OLFM3: variants seen among roughly 807,000 people sequenced by gnomAD.
OLFM3 encodes the protein noelin-3.
In OLFM3, 20 loss-of-function variants were observed where a neutral mutation model predicts 48.6. That is an observed-to-expected ratio of 0.41 (90% confidence interval 0.29 to 0.60). The LOEUF is 0.60. Ranked by LOEUF, OLFM3 falls within the 20% of genes least tolerant of loss-of-function variation. The pLI, the probability that OLFM3 is intolerant of heterozygous loss-of-function variation, is 0.28. For missense variants in OLFM3, 437 were observed against 544.3 expected, an observed-to-expected ratio of 0.80 and a Z score of 1.96; for synonymous variants, 222 against 198.1, an observed-to-expected ratio of 1.12 and a Z score of -1.01.
At chr1:101,976,923 T>C (rs944924200) in intron 1 of OLFM3, among the ~76,000 whole-genome samples, 1 of 152,124 alleles carries the variant, frequency 6.6e-6, no homozygotes, top group African/African-American at 2.4e-5. Flanking sequence ...TTACTAGAAG[T>C]GATACAAAGT....
chr1:101,961,835 C>T lies in OLFM3; in HGVS notation c.69+34913G>A, dbSNP rs147335114. 4.8e-3 allele frequency among the ~76,000 whole-genome samples: 732 copies of T among 152,052 alleles called. 2 individuals are homozygous for T. Among genetic ancestry groups the T allele is most frequent in the Middle Eastern group, 0.017 (5 of 294 alleles). On this transcript the variant is annotated intron_variant, in intron 1 of 5. Transcript: ENST00000370103. ...CACAGAGCTAGTATGTTAAAAAAAT[C>T]GAAAGAAAGAAAACCATATAGCAAT... is the stretch of plus-strand genomic sequence containing the variant.
chr1:101,871,106 AC>A (rs1006125762), intron 1 of OLFM3, among the ~76,000 whole-genome samples: 1 of 152,088 alleles, frequency 6.6e-6, no homozygotes, highest in African/African-American at 2.4e-5. Flanking sequence ...TATATTTATC[AC>A]CCTTACCAAA....
chr1:101,994,228 T>G (rs148685601), intron 1 of OLFM3, among the ~76,000 whole-genome samples: 99 of 151,028 alleles, frequency 6.6e-4, no homozygotes, highest in African/African-American at 2.3e-3. Context: ...ATAAACAAAG[T>G]ATAACAATAT....
intron 1 of OLFM3, among the ~76,000 whole-genome samples, chr1:101,861,181 C>T (rs1361170603): frequency 6.6e-6 from 1 of 151,940 alleles, no homozygotes; most frequent in Non-Finnish European, 1.5e-5. Flanking sequence ...CCTGCCTTGG[C>T]CACCCGAGTA....
intron 1 of OLFM3, among the ~76,000 whole-genome samples, chr1:101,921,222 C>CACACACACAT (rs1273485278): frequency 4.6e-5 from 7 of 151,822 alleles, no homozygotes; most frequent in Admixed American, 1.3e-4. Context: ...CACACACACA[C>CACACACACAT]ACACACACAC....
chr1:101,965,895 A>G (rs1187541397), intron 1 of OLFM3, among the ~76,000 whole-genome samples: 2 of 152,170 alleles, frequency 1.3e-5, no homozygotes, highest in Non-Finnish European at 2.9e-5. Context: ...TATTTGGTAA[A>G]TGGGAGATAC....
intron 1 of OLFM3, among the ~76,000 whole-genome samples, chr1:101,961,704 T>A (rs1280136557): frequency 1.3e-5 from 2 of 152,222 alleles, no homozygotes. Flanking sequence ...ATAAGCAAAT[T>A]ATCAGAATAG....
intron 1 of OLFM3, among the ~76,000 whole-genome samples, chr1:101,932,905 A>C (rs1419332846): frequency 4.6e-5 from 7 of 152,106 alleles, no homozygotes; most frequent in Non-Finnish European, 8.8e-5. Context: ...TAAAGAATGC[A>C]ATAAAACAAT....
chr1:101,964,783 T>C (rs1215640134), intron 1 of OLFM3, among the ~76,000 whole-genome samples: 3 of 152,188 alleles, frequency 2.0e-5, no homozygotes, highest in African/African-American at 4.8e-5. Context: ...AATATCAGCA[T>C]GAAAGTATAC....
At chr1:101,906,847 T>G (rs187321459) in intron 1 of OLFM3, among the ~76,000 whole-genome samples, 42 of 152,254 alleles carry the variant, frequency 2.8e-4, no homozygotes, top group African/African-American at 9.9e-4. Context: ...TACAAGCATT[T>G]CAAATATGAC....
At chr1:101,902,015 G>T (rs1164720586) in intron 1 of OLFM3, among the ~76,000 whole-genome samples, 1 of 151,922 alleles carries the variant, frequency 6.6e-6, no homozygotes, top group Non-Finnish European at 1.5e-5. Flanking sequence ...TTATTAGAGA[G>T]CAACAGGGTT....
At chr1:101,869,897 C>T (rs557864583) in intron 1 of OLFM3, among the ~76,000 whole-genome samples, 6 of 152,184 alleles carry the variant, frequency 3.9e-5, no homozygotes, top group African/African-American at 1.4e-4. Context: ...TGAGGCCTCC[C>T]CAGCTTTGCA....
rs112911778 is a variant in OLFM3, at chr1:101,876,607, T to C, written c.70-39582A>G. Among the ~76,000 whole-genome samples, 578 of 152,072 alleles carry C rather than the reference T, an allele frequency of 3.8e-3. 2 individuals are homozygous for C. The highest frequency in any genetic ancestry group is 0.013 in the African/African-American group (541 of 41,516). ...CCTGACCAAAATAAGAGATAAACAA[T>C]AGATTTGTAAACAATAAAGTAGTAT... On this transcript the variant is annotated intron_variant, in intron 1 of 5. Transcript: ENST00000370103.
intron 1 of OLFM3, among the ~76,000 whole-genome samples, chr1:101,952,665 A>G (rs1159208397): frequency 6.6e-6 from 1 of 152,166 alleles, no homozygotes; most frequent in Non-Finnish European, 1.5e-5. Context: ...TAATGAAACT[A>G]CTAAGATAAA....
intron 1 of OLFM3, among the ~76,000 whole-genome samples, chr1:101,883,957 T>C (rs939254460): frequency 6.6e-6 from 1 of 152,010 alleles, no homozygotes; most frequent in East Asian, 1.9e-4. Context: ...AATCCTGGTC[T>C]GTATTGATTC....
intron 1 of OLFM3, among the ~76,000 whole-genome samples, chr1:101,904,363 G>A (rs1658488025): frequency 6.6e-6 from 1 of 152,050 alleles, no homozygotes; most frequent in Admixed American, 6.6e-5. Flanking sequence ...CGAGTCAGAA[G>A]TTATTTGTAA....
intron 1 of OLFM3, among the ~76,000 whole-genome samples, chr1:101,986,003 T>A (rs1661223804): frequency 3.3e-5 from 5 of 150,258 alleles, no homozygotes; most frequent in South Asian, 4.2e-4. Context: ...TCTCGCTCTG[T>A]CCCCCAGGCT....
At chr1:101,947,415 T>C (rs1393071393) in intron 1 of OLFM3, among the ~76,000 whole-genome samples, 1 of 152,124 alleles carries the variant, frequency 6.6e-6, no homozygotes, top group Non-Finnish European at 1.5e-5. Flanking sequence ...ATCTAATTTG[T>C]AGAAGTTCCT....
At chr1:101,995,075 G>T (rs1400537732) in intron 1 of OLFM3, among the ~76,000 whole-genome samples, 1 of 152,038 alleles carries the variant, frequency 6.6e-6, no homozygotes, top group South Asian at 2.1e-4. Context: ...AGATATTTAT[G>T]CATCAAAGAT....
Sources: allele counts gnomAD v4.1 joint callset (sites outside exome capture counted in the v4.1 genomes callset), GRCh38; gene constraint gnomAD v4.1.1; transcripts MANE v1.5; gene names NCBI Gene and HGNC (gene_info 2026-07-23, HGNC 2026-07-21).